Variants in USP43 observed in about 807,000 individuals in gnomAD.
The protein encoded by USP43 is ubiquitin specific peptidase 43.
USP43 carries 33 observed loss-of-function variants against 90.7 expected under a neutral mutation model. That is an observed-to-expected ratio of 0.36 (90% CI 0.28 to 0.49). The LOEUF (loss-of-function observed/expected upper bound fraction) is 0.49, where lower values mean the gene tolerates loss of function less well. Ranked by LOEUF, USP43 falls within the 20% of genes least tolerant of loss-of-function variation. The pLI is 0.98. For missense variants in USP43, 1,274 were observed against 1,476.4 expected, an observed-to-expected ratio of 0.86 and a Z score of 2.25; for synonymous variants, 598 against 615.8, an observed-to-expected ratio of 0.97 and a Z score of 0.43.
chr17:9,662,900 C>T (rs946551953), intron 2 of USP43, among the ~76,000 whole-genome samples: 5 of 151,452 alleles, frequency 3.3e-5, no homozygotes, highest in African/African-American at 9.7e-5. Flanking sequence ...TCACTGCAAC[C>T]TCCGCCTCCT....
chr17:9,683,992 C>T lies in USP43; in HGVS notation c.1241+1034C>T, dbSNP rs552179358. On this transcript the variant is annotated intron_variant, in intron 7 of 14. Coordinates refer to ENST00000285199, the MANE Select transcript of USP43 (RefSeq NM_153210.5). Reference sequence around the variant, plus strand: ...CTCTACTAAAAGTACAAAAAACTATCCAGGTGTGGTGGCACGCACCTGTAG... The same window carrying T: ...CTCTACTAAAAGTACAAAAAACTATTCAGGTGTGGTGGCACGCACCTGTAG... Among the ~76,000 whole-genome samples the T allele has an allele frequency of 3.3e-5, 5 of 152,070 alleles. No homozygotes were observed. In the South Asian group the frequency reaches 1.0e-3, roughly 32 times the overall value.
At chr17:9,717,023 C>A (rs929717845) in intron 14 of USP43, among the ~76,000 whole-genome samples, 5 of 152,006 alleles carry the variant, frequency 3.3e-5, no homozygotes, top group African/African-American at 1.2e-4. Flanking sequence ...GTAATCTGAG[C>A]TACTCAGGAG....
rs1160299306 is a variant in USP43, at chr17:9,680,343, C to T, written c.1082C>T (p.Ser361Leu). The change falls in exon 6 of 15, where the codon TCA (serine) becomes TTA (leucine). Residue 361 changes from serine (S) to leucine (L), a missense_variant. By Grantham distance (145) the Ser-to-Leu change is moderately radical. Around this residue, in one of 6 missense-constraint regions of USP43, gnomAD observed 253 missense variants for 276.0 expected, o/e 0.92. Transcript: ENST00000285199. ...DNVYAFQVPP[S>L]PSQGTLSAHP... is the part of the protein sequence containing the mutation. ...GTGTATGCCTTTCAAGTTCCTCCCT[C>T]ACCCAGCCAGGGGACTCTCTCAGGT... is the stretch of plus-strand genomic sequence containing the variant. The T allele has an allele frequency of 1.2e-6, 2 of 1,613,808 alleles. No homozygotes were observed. The highest frequency in any genetic ancestry group is 2.2e-5 in the South Asian group (2 of 91,086).
rs140242960 is a variant in USP43, at chr17:9,672,608, G to A, written c.741-2283G>A. ...TTGCCTAGGTACGTGATGGACAGAG[G>A]TGGAGAAGGATTGGAGGAGAGACGC... On this transcript the variant is annotated intron_variant, in intron 3 of 14. Transcript: ENST00000285199. Among the ~76,000 whole-genome samples, 1,108 of 152,286 alleles carry A rather than the reference G, an allele frequency of 7.3e-3. 13 individuals are homozygous for A. Among genetic ancestry groups the A allele is most frequent in the African/African-American group, 0.025 (1,033 of 41,564 alleles).
intron 14 of USP43, 95 bp from the exon 15 acceptor site, chr17:9,727,859 T>C (rs973885635): frequency 2.9e-6 from 4 of 1,382,324 alleles, no homozygotes; most frequent in African/African-American, 2.9e-5. Flanking sequence ...CCCAGCACAG[T>C]GCCTCCCACA....
intron 2 of USP43, among the ~76,000 whole-genome samples, chr17:9,659,492 A>T (rs1490896679): frequency 1.3e-5 from 2 of 152,118 alleles, no homozygotes; most frequent in Admixed American, 6.5e-5. Context: ...AGCTTTCCTC[A>T]TGCTTTCTCA....
chr17:9,726,087 C>T (rs971917352), intron 14 of USP43, among the ~76,000 whole-genome samples: 1 of 152,166 alleles, frequency 6.6e-6, no homozygotes, highest in South Asian at 2.1e-4. Flanking sequence ...TATGAGAAAC[C>T]TGGAAAGTCA....
chr17:9,656,037 G>A (rs150411679), intron 1 of USP43, among the ~76,000 whole-genome samples: 113 of 152,260 alleles, frequency 7.4e-4, no homozygotes, highest in African/African-American at 2.5e-3. Context: ...CCAATGGAGG[G>A]AAGATTAGTG....
At position 9,685,974 on chromosome 17, in the gene USP43, C is replaced by T. The variant is rs1386820878; in HGVS notation, c.1242-824C>T. On this transcript the variant is annotated intron_variant, in intron 7 of 14. Coordinates refer to ENST00000285199, the MANE Select transcript of USP43 (RefSeq NM_153210.5). ...CTTTTCCTAGCCCCCACTGGCGCCT[C>T]CCAGCCTCTAGTAGAACCACTATTC... Among the ~76,000 whole-genome samples, 6 of 152,206 alleles carry T rather than the reference C, an allele frequency of 3.9e-5. No homozygotes were observed. In the East Asian group the frequency reaches 1.2e-3, roughly 29 times the overall value.
At chr17:9,670,995 G>A (rs563285209) in intron 3 of USP43, among the ~76,000 whole-genome samples, 1 of 152,230 alleles carries the variant, frequency 6.6e-6, no homozygotes, top group South Asian at 2.1e-4. Context: ...CCTCTCCCTG[G>A]GGAGGGCTTG....
chr17:9,715,728 T>C (rs1359249532), intron 14 of USP43, among the ~76,000 whole-genome samples: 36 of 150,014 alleles, frequency 2.4e-4, no homozygotes, highest in African/African-American at 8.7e-4. Flanking sequence ...TGTATGTGTG[T>C]GTGTGTGTGT....
intron 3 of USP43, among the ~76,000 whole-genome samples, chr17:9,669,474 C>T (rs1000576886): frequency 2.0e-5 from 3 of 152,160 alleles, no homozygotes; most frequent in Non-Finnish European, 4.4e-5. Flanking sequence ...CTGGCTGAAT[C>T]CTTGTTGATT....
intron 12 of USP43, among the ~76,000 whole-genome samples, chr17:9,702,468 G>A (rs574788756): frequency 7.9e-5 from 12 of 152,262 alleles, no homozygotes; most frequent in East Asian, 1.9e-4. Flanking sequence ...GTGATTCAGC[G>A]TGAGGAATCT....
rs113046777 is a variant in USP43, at chr17:9,720,139, A to G, written c.2336-7815A>G. On this transcript the variant is annotated intron_variant, in intron 14 of 14. Transcript: ENST00000285199. ...TCAGGAGTTTCTCAATAGCTTGGCC[A>G]ATGTGGTGAAACCCCGTCTCTACTA... Among the ~76,000 whole-genome samples, 333 of 151,868 alleles carry G rather than the reference A, an allele frequency of 2.2e-3. 1 individual carries two copies. Among genetic ancestry groups the G allele is most frequent in the African/African-American group, 7.6e-3 (314 of 41,476 alleles).
At chr17:9,658,453 C>T (rs1481703830) in intron 2 of USP43, among the ~76,000 whole-genome samples, 1 of 152,158 alleles carries the variant, frequency 6.6e-6, no homozygotes, top group Non-Finnish European at 1.5e-5. Context: ...AAGTAAAGGA[C>T]AGAGTCAGGA....
intron 14 of USP43, among the ~76,000 whole-genome samples, chr17:9,714,378 A>G (rs899524561): frequency 1.4e-4 from 21 of 152,102 alleles, no homozygotes; most frequent in Non-Finnish European, 1.5e-5. Context: ...CTGGGGAAAT[A>G]GTACAGATGA....
Position 9,709,700 on chromosome 17 carries a change from A to G in USP43, c.2012-256A>G, listed in dbSNP as rs936293921. Among the ~76,000 whole-genome samples the G allele has an allele frequency of 6.6e-6, 1 of 152,152 alleles. No homozygotes were observed. The highest frequency in any genetic ancestry group is 2.4e-5 in the African/African-American group (1 of 41,446). On this transcript the variant is annotated intron_variant, in intron 12 of 14. Coordinates refer to ENST00000285199, the MANE Select transcript of USP43 (RefSeq NM_153210.5). The surrounding 1 kb of genome is among the most constrained non-coding windows in gnomAD (Gnocchi z 5.0). ...CACTTCACTCCAGCCTGGGTGACAG[A>G]GCGAAACTCCGTCTCAAAAATAAAT...
At chr17:9,671,281 T>C (rs1402525364) in intron 3 of USP43, among the ~76,000 whole-genome samples, 1 of 102,428 alleles carries the variant, frequency 9.8e-6, no homozygotes, top group Non-Finnish European at 2.1e-5. Flanking sequence ...GAGGAGGGAG[T>C]GTGTGTGTGT....
chr17:9,689,412 A>T (rs1191643762), intron 8 of USP43, among the ~76,000 whole-genome samples: 2 of 146,782 alleles, frequency 1.4e-5, no homozygotes, highest in Non-Finnish European at 1.5e-5. Context: ...ATCAATGCCA[A>T]TTTTTTTTTT....
Sources: gnomAD v4.1 joint callset for allele counts (sites outside exome capture counted in the v4.1 genomes callset) on GRCh38, gnomAD v4.1.1 for gene constraint, gnomAD v4.1.1 regional missense constraint, Gnocchi (gnomAD v3.1) non-coding constraint, MANE v1.5 for transcripts, NCBI Gene and HGNC (gene_info 2026-07-23, HGNC 2026-07-21) for gene names.